The following RNF220 variants were observed in gnomAD, a reference collection of about 807,000 sequenced individuals.
The protein encoded by RNF220 is E3 ubiquitin-protein ligase RNF220.
RNF220 carries 7 observed loss-of-function variants against 67.1 expected under a neutral mutation model. The ratio of observed to expected loss-of-function variants is 0.10; its 90% CI spans 0.06 to 0.20. The LOEUF (loss-of-function observed/expected upper bound fraction) is 0.20, where lower values mean the gene tolerates loss of function less well. Among genes scored for constraint, RNF220 ranks in the 10% least tolerant of loss-of-function variants. RNF220 has a pLI of 1.00. For missense variants in RNF220, 565 were observed against 740.3 expected (o/e 0.76, Z 2.75); for synonymous variants, 270 against 283.2 (o/e 0.95, Z 0.47).
At chr1:44,523,386 C>G (rs532655668) in intron 2 of RNF220, among the ~76,000 whole-genome samples, 88 of 152,338 alleles carry the variant, frequency 5.8e-4, no homozygotes, top group Admixed American at 1.4e-3. Flanking sequence ...TCCTCTTTGC[C>G]TAGGTGAGCT....
rs574043723 is a variant in RNF220, at chr1:44,472,062, A to G, written c.625+59340A>G. 1.4e-4 allele frequency among the ~76,000 whole-genome samples: 22 copies of G among 152,200 alleles called. 1 individual carries two copies. Among genetic ancestry groups the G allele is most frequent in the Admixed American group, 7.2e-4 (11 of 15,294 alleles). ...ATGTTTCAATACTTCATTCCTTTTT[A>G]TGGTTTAATAGTATTCCATTGTATG... On this transcript the variant is annotated intron_variant, in intron 2 of 14. Coordinates refer to ENST00000361799, the MANE Select transcript of RNF220 (RefSeq NM_018150.4).
intron 5 of RNF220, among the ~76,000 whole-genome samples, chr1:44,629,997 C>T (rs1331058195): frequency 6.6e-6 from 1 of 152,198 alleles, no homozygotes; most frequent in African/African-American, 2.4e-5. Flanking sequence ...GTATCCCATC[C>T]CTTGCTCTTT....
intron 7 of RNF220, 167 bp downstream of exon 7, chr1:44,635,755 G>T: frequency 6.8e-7 from 1 of 1,462,712 alleles, no homozygotes; most frequent in Middle Eastern, 2.3e-4. Context: ...GGGCTCTTGG[G>T]GTCTCCATGT....
intron 2 of RNF220, among the ~76,000 whole-genome samples, chr1:44,578,222 C>G (rs1336235681): frequency 1.4e-5 from 2 of 141,288 alleles, no homozygotes; most frequent in Non-Finnish European, 3.0e-5. Context: ...AATCTTGGCT[C>G]TCTGCAACCT....
At chr1:44,428,943 C>G (rs531285423) in intron 2 of RNF220, among the ~76,000 whole-genome samples, 1 of 152,158 alleles carries the variant, frequency 6.6e-6, no homozygotes, top group South Asian at 2.1e-4. Context: ...CCAACCCACT[C>G]CTGCCCCATT....
chr1:44,416,853 G>A (rs1648591281), intron 2 of RNF220, among the ~76,000 whole-genome samples: 1 of 152,180 alleles, frequency 6.6e-6, no homozygotes, highest in African/African-American at 2.4e-5. Flanking sequence ...AGCCATTCTT[G>A]GGTCCCAAAA....
At chr1:44,410,360 T>A (rs2147799332) in intron 1 of RNF220, among the ~76,000 whole-genome samples, 1 of 152,366 alleles carries the variant, frequency 6.6e-6, no homozygotes, top group East Asian at 1.9e-4. Flanking sequence ...ATTCCCAGAC[T>A]TGTCAGCCTA....
chr1:44,584,289 C>T (rs907318878), intron 2 of RNF220, among the ~76,000 whole-genome samples: 4 of 152,254 alleles, frequency 2.6e-5, no homozygotes, highest in African/African-American at 7.2e-5. Flanking sequence ...ACCCCTCCTT[C>T]ATCAGGGCGG....
chr1:44,412,226 G>A lies in RNF220; in HGVS notation c.129G>A (p.Gln43=), dbSNP rs1648037216. Residue 43 remains glutamine (Q), a synonymous_variant, in exon 2 of 15, where the codon CAG becomes CAA. Transcript: ENST00000361799. This position sits in a 1 kb window ranked among gnomAD's most constrained non-coding sequence, Gnocchi z 5.3. ...GCCGTGATGCTTCCATCCCTTGTCA[G>A]CAGCCACGACCCTTTGGTGTACCTG... ...EASRDASIPC[Q]QPRPFGVPVS... is the part of the protein sequence containing the mutation. 1 of 1,614,186 alleles carries A rather than the reference G, an allele frequency of 6.2e-7. No homozygotes were observed. The highest frequency in any genetic ancestry group is 8.5e-7 in the Non-Finnish European group (1 of 1,180,018).
intron 2 of RNF220, among the ~76,000 whole-genome samples, chr1:44,566,087 A>G (rs1392836330): frequency 6.6e-6 from 1 of 152,094 alleles, no homozygotes; most frequent in Non-Finnish European, 1.5e-5. Flanking sequence ...CAAGGTGTTC[A>G]GTTACTCTGT....
intron 2 of RNF220, among the ~76,000 whole-genome samples, chr1:44,578,892 G>A (rs1189397345): frequency 6.6e-6 from 1 of 152,162 alleles, no homozygotes; most frequent in Non-Finnish European, 1.5e-5. Flanking sequence ...CAGGCCGGGT[G>A]CGGTGGCTCA....
At chr1:44,529,384 T>C (rs567920906) in intron 2 of RNF220, among the ~76,000 whole-genome samples, 3 of 150,868 alleles carry the variant, frequency 2.0e-5, no homozygotes, top group Admixed American at 1.3e-4. Context: ...CACACACACA[T>C]ATTTTTAGAC....
intron 2 of RNF220, among the ~76,000 whole-genome samples, chr1:44,450,144 G>A (rs1652519151): frequency 6.6e-6 from 1 of 152,284 alleles, no homozygotes; most frequent in Middle Eastern, 3.4e-3. Context: ...GGGAGGTAGA[G>A]GTTGCAGTGA....
chr1:44,643,622 A>G (rs1644549540), intron 8 of RNF220: 1 of 152,212 alleles, frequency 6.6e-6, no homozygotes, highest in African/African-American at 2.4e-5. Flanking sequence ...ACCTGAGAGG[A>G]AAGAGTGGAC....
At chr1:44,626,641 G>T in intron 5 of RNF220, 1 of 550,940 alleles carries the variant, frequency 1.8e-6, no homozygotes, top group Non-Finnish European at 3.3e-6. Context: ...TGGGCTCTGA[G>T]CACCTCTGAA....
intron 2 of RNF220, among the ~76,000 whole-genome samples, chr1:44,523,236 A>C (rs1420554361): frequency 1.3e-5 from 2 of 151,922 alleles, no homozygotes; most frequent in Non-Finnish European, 2.9e-5. Context: ...CTCCCCGAGC[A>C]CTCCTGCTTT....
intron 1 of RNF220, among the ~76,000 whole-genome samples, chr1:44,411,165 C>T (rs1475868216): frequency 2.0e-5 from 3 of 152,192 alleles, no homozygotes; most frequent in East Asian, 3.8e-4. Flanking sequence ...CTTTGCTGCC[C>T]TTAGAAGACA....
chr1:44,640,883 C>T (rs942897727), intron 8 of RNF220, among the ~76,000 whole-genome samples: 7 of 152,328 alleles, frequency 4.6e-5, no homozygotes, highest in South Asian at 2.1e-4. Context: ...GGCCCCGAGA[C>T]GTTTCCTTTC....
At chr1:44,530,049 T>A (rs1319277093) in intron 2 of RNF220, among the ~76,000 whole-genome samples, 1 of 131,146 alleles carries the variant, frequency 7.6e-6, no homozygotes, top group Non-Finnish European at 1.6e-5. Flanking sequence ...GTGAGACTCT[T>A]ATCTCAAAAA....
Sources: gnomAD v4.1 joint callset for allele counts (sites outside exome capture counted in the v4.1 genomes callset) on GRCh38, gnomAD v4.1.1 for gene constraint, Gnocchi (gnomAD v3.1) non-coding constraint, MANE v1.5 for transcripts, NCBI Gene and HGNC (gene_info 2026-07-23, HGNC 2026-07-21) for gene names.